CIAO2A: variants seen among roughly 807,000 people sequenced by gnomAD.
CIAO2A encodes MIP18 family protein FAM96A.
In CIAO2A, 17 loss-of-function variants were observed where a neutral mutation model predicts 22.4. That is an observed-to-expected ratio of 0.76 (90% CI 0.52 to 1.14). CIAO2A has a LOEUF of 1.14. Ranked by LOEUF, CIAO2A falls within the 50% of genes most tolerant of loss-of-function variation. The pLI is 0.00. For synonymous variants in CIAO2A, 74 were observed against 72.3 expected, an observed-to-expected ratio of 1.02 and a Z score of -0.12; for missense variants, 192 against 191.4, an observed-to-expected ratio of 1.00 and a Z score of -0.02.
chr15:64,089,529 G>A (rs537881705), intron 1 of CIAO2A, among the ~76,000 whole-genome samples: 1 of 151,268 alleles, frequency 6.6e-6, no homozygotes, highest in South Asian at 2.1e-4. Context: ...AAAAAAAAGT[G>A]AAGGAAAGTA....
intron 1 of CIAO2A, among the ~76,000 whole-genome samples, chr15:64,092,075 A>G (rs1047604229): frequency 6.6e-6 from 1 of 151,734 alleles, no homozygotes; most frequent in Non-Finnish European, 1.5e-5. Flanking sequence ...AAAAAAAAAA[A>G]AAAAAAAAAA....
intron 2 of CIAO2A, among the ~76,000 whole-genome samples, chr15:64,085,102 A>C (rs1455124491): frequency 6.6e-6 from 1 of 151,858 alleles, no homozygotes; most frequent in Middle Eastern, 3.2e-3. Flanking sequence ...AAAATAAAAT[A>C]AAATAAAATA....
intron 2 of CIAO2A, among the ~76,000 whole-genome samples, chr15:64,084,405 T>C (rs2080778200): frequency 1.3e-5 from 2 of 152,196 alleles, no homozygotes; most frequent in South Asian, 4.1e-4. Flanking sequence ...GGCTTCAAAA[T>C]ACTTACATAA....
rs2080710817 is a variant in CIAO2A at position 64,075,542 on chromosome 15, A to C, written c.340-5T>G. The stretch of plus-strand genomic sequence containing the variant: ...TTCAGAAATGTAGATTTCCAACTGG[A>C]AAGTGGGAAAAAAAGTAAAAGAAAA... On this transcript the variant is annotated splice_region_variant and splice_polypyrimidine_tract_variant and intron_variant, in intron 3 of 4. Transcript: ENST00000300030. 8 of 1,569,626 alleles carry C rather than the reference A, an allele frequency of 5.1e-6. 1 individual carries two copies. Among genetic ancestry groups the C allele is most frequent in the Non-Finnish European group, 7.0e-6 (8 of 1,149,806 alleles).
At chr15:64,089,436 GC>G (rs1169368258) in intron 1 of CIAO2A, among the ~76,000 whole-genome samples, 4 of 67,080 alleles carry the variant, frequency 6.0e-5, no homozygotes, top group Admixed American at 3.6e-4. Flanking sequence ...GATCGCTTGA[GC>G]CCAGGAGGCA....
chr15:64,090,771 G>A (rs1313630295), intron 1 of CIAO2A, among the ~76,000 whole-genome samples: 1 of 152,196 alleles, frequency 6.6e-6, no homozygotes, highest in Non-Finnish European at 1.5e-5. Flanking sequence ...GCTGGGAAGG[G>A]AGGGACATGA....
chr15:64,090,154 TG>T (rs2080828907), intron 1 of CIAO2A: 1 of 154,852 alleles, frequency 6.5e-6, no homozygotes, highest in African/African-American at 2.4e-5. Flanking sequence ...ACCAGCCTGG[TG>T]AACATGGTAA....
At chr15:64,079,512 C>T (rs1478190888) in intron 3 of CIAO2A, among the ~76,000 whole-genome samples, 2 of 152,124 alleles carry the variant, frequency 1.3e-5, no homozygotes, top group East Asian at 1.9e-4. Flanking sequence ...GGAGACAGAG[C>T]AAGACCCTGT....
At chr15:64,084,377 T>C (rs2140111780) in intron 2 of CIAO2A, among the ~76,000 whole-genome samples, 1 of 152,270 alleles carries the variant, frequency 6.6e-6, no homozygotes, top group South Asian at 2.1e-4. Flanking sequence ...GATAGGGATT[T>C]ACCAATATAT....
intron 1 of CIAO2A, among the ~76,000 whole-genome samples, chr15:64,089,355 C>T (rs2080821543): frequency 6.6e-6 from 1 of 152,014 alleles, no homozygotes; most frequent in Non-Finnish European, 1.5e-5. Flanking sequence ...AGACCCCCGT[C>T]TCTACAAAAA....
chr15:64,092,228 T>C (rs1035157712), intron 1 of CIAO2A, among the ~76,000 whole-genome samples: 2 of 152,178 alleles, frequency 1.3e-5, no homozygotes, highest in African/African-American at 4.8e-5. Context: ...CAACCACATC[T>C]TCACATTTAA....
Position 64,081,946 on chromosome 15 carries a change from A to G in CIAO2A, c.290-795T>C, listed in dbSNP as rs144504983. ...CCACATAAAATCTCTCAAATTTGTA[A>G]TCCTTTATGCCTGCAAGGTACAAAT... On this transcript the variant is annotated intron_variant, in intron 2 of 4. Coordinates refer to ENST00000300030, the MANE Select transcript of CIAO2A (RefSeq NM_032231.7). Among the ~76,000 whole-genome samples the G allele has an allele frequency of 6.9e-4, 105 of 152,320 alleles. 5 individuals are homozygous for G. Among genetic ancestry groups the G allele is most frequent in the African/African-American group, 2.5e-3 (103 of 41,566 alleles).
chr15:64,082,346 G>A (rs1185420258), intron 2 of CIAO2A, among the ~76,000 whole-genome samples: 6 of 151,770 alleles, frequency 4.0e-5, no homozygotes, highest in Admixed American at 3.3e-4. Context: ...CTCCTGTCTC[G>A]GCCTCCTGAG....
chr15:64,092,581 C>T (rs1328992894), intron 1 of CIAO2A, among the ~76,000 whole-genome samples: 2 of 152,194 alleles, frequency 1.3e-5, no homozygotes, highest in Non-Finnish European at 2.9e-5. Context: ...CCTACCATCC[C>T]TAGATTATGT....
chr15:64,090,121 T>TCACC, intron 1 of CIAO2A: 2 of 152,948 alleles, frequency 1.3e-5, no homozygotes, highest in South Asian at 3.9e-4. Context: ...GGCGGGTGGA[T>TCACC]CGCCTGAGGT....
chr15:64,081,201 G>C, intron 2 of CIAO2A, 50 bp from the exon 3 acceptor site: 1 of 1,568,712 alleles, frequency 6.4e-7, no homozygotes, highest in Non-Finnish European at 8.7e-7. Flanking sequence ...GCTTCTTATT[G>C]GTTCTTGAAA....
intron 2 of CIAO2A, among the ~76,000 whole-genome samples, chr15:64,087,358 T>C (rs2080805839): frequency 6.6e-6 from 1 of 152,134 alleles, no homozygotes; most frequent in Non-Finnish European, 1.5e-5. Flanking sequence ...CCTAAAGTGC[T>C]GGGATTACAG....
At chr15:64,081,194 T>C in intron 2 of CIAO2A, 43 bp from the exon 3 acceptor site, 3 of 1,573,860 alleles carry the variant, frequency 1.9e-6, no homozygotes, top group Admixed American at 1.7e-5. Context: ...CTTTATTGCT[T>C]CTTATTGGTT....
Position 64,079,249 on chromosome 15 carries a change from G to T in CIAO2A, c.339+1853C>A, listed in dbSNP as rs147887210. On this transcript the variant is annotated intron_variant, in intron 3 of 4. Coordinates refer to ENST00000300030, the MANE Select transcript of CIAO2A (RefSeq NM_032231.7). Reference sequence around the variant, plus strand: ...GTATTTCACTGGGCCTTAAAACGTGGGTAGGATTTGGCCAGGCCCAGTGGT... The same window carrying T: ...GTATTTCACTGGGCCTTAAAACGTGTGTAGGATTTGGCCAGGCCCAGTGGT... Among the ~76,000 whole-genome samples, 486 of 152,194 alleles carry T rather than the reference G, an allele frequency of 3.2e-3. 3 individuals carry two copies. Among genetic ancestry groups the T allele is most frequent in the African/African-American group, 0.011 (468 of 41,538 alleles).
Sources: allele counts gnomAD v4.1 joint callset (sites outside exome capture counted in the v4.1 genomes callset), GRCh38; gene constraint gnomAD v4.1.1; transcripts MANE v1.5; gene names NCBI Gene and HGNC (gene_info 2026-07-23, HGNC 2026-07-21).